The following GSG1L variants were observed in gnomAD, a reference collection of about 807,000 sequenced individuals.
GSG1L encodes the protein germ cell-specific gene 1-like protein.
In GSG1L, 24 loss-of-function variants were observed where a neutral mutation model predicts 42.1. The ratio of observed to expected loss-of-function variants is 0.57; its 90% confidence interval spans 0.41 to 0.80. The LOEUF is 0.80. Among genes scored for constraint, GSG1L ranks in the 30% least tolerant of loss-of-function variants. The pLI, the probability that GSG1L is intolerant of heterozygous loss-of-function variation, is 0.00. For missense variants in GSG1L, 445 were observed against 472.2 expected (o/e 0.94, Z 0.53); for synonymous variants, 215 against 203.5 (o/e 1.06, Z -0.48).
intron 3 of GSG1L, among the ~76,000 whole-genome samples, chr16:27,879,775 GTATTA>G (rs1420378339): frequency 2.0e-5 from 3 of 150,526 alleles, no homozygotes; most frequent in East Asian, 2.0e-4. Flanking sequence ...TATTAAATTT[GTATTA>G]TTTTATTTAT....
At chr16:27,838,724 G>A (rs1228484273) in intron 4 of GSG1L, among the ~76,000 whole-genome samples, 1 of 152,148 alleles carries the variant, frequency 6.6e-6, no homozygotes, top group African/African-American at 2.4e-5. Flanking sequence ...ACCATGTGGG[G>A]CACGGCTGGG....
chr16:27,902,431 G>A lies in GSG1L; in HGVS notation c.398-17793C>T, dbSNP rs572992627. On this transcript the variant is annotated intron_variant, in intron 2 of 6. Transcript: ENST00000447459. ...TGTGGGGAGGGAAGCTGATTCCGCA[G>A]AGAGGCCGATGCCAAGGGGGAATCT... 2.6e-5 allele frequency among the ~76,000 whole-genome samples: 4 copies of A among 152,300 alleles called. No individual in the cohort carries two copies. The South Asian group carries it at 8.3e-4, about 32-fold the overall frequency.
chr16:27,934,120 A>T (rs1333071617), intron 2 of GSG1L, among the ~76,000 whole-genome samples: 1 of 152,248 alleles, frequency 6.6e-6, no homozygotes, highest in African/African-American at 2.4e-5. Context: ...CTTCCCCAGC[A>T]CGCAGGTCAT....
intron 1 of GSG1L, among the ~76,000 whole-genome samples, chr16:28,055,739 G>A (rs2086271859): frequency 6.6e-6 from 1 of 152,166 alleles, no homozygotes; most frequent in African/African-American, 2.4e-5. Context: ...CAAAGTGCTG[G>A]GATTACAGGC....
At chr16:27,947,597 GA>G (rs760361295) in intron 2 of GSG1L, among the ~76,000 whole-genome samples, 1,321 of 108,480 alleles carry the variant, frequency 0.012, 42 homozygotes, top group African/African-American at 0.05. Flanking sequence ...AAGAAAGAAA[GA>G]AAAAGAAAGA....
chr16:28,030,110 G>C (rs1174195299), intron 1 of GSG1L, among the ~76,000 whole-genome samples: 1 of 152,204 alleles, frequency 6.6e-6, no homozygotes, highest in Non-Finnish European at 1.5e-5. Context: ...TTTGAAGAAA[G>C]ATAGAGAGGA....
chr16:28,016,517 G>A (rs879711232), intron 1 of GSG1L, among the ~76,000 whole-genome samples: 2 of 152,018 alleles, frequency 1.3e-5, no homozygotes, highest in Non-Finnish European at 2.9e-5. Flanking sequence ...CCCTAGGTTC[G>A]GGGTCATCTA....
At position 27,828,803 on chromosome 16, in the gene GSG1L, C is replaced by T; in HGVS notation, c.816G>A (p.Lys272=). 1 of 1,614,068 alleles carries T rather than the reference C, an allele frequency of 6.2e-7. No homozygotes were observed. Among genetic ancestry groups the T allele is most frequent in the East Asian group, 2.2e-5 (1 of 44,882 alleles). The change falls in exon 5 of 7, where the codon AAG becomes AAA. Residue 272 remains lysine, a synonymous_variant. Coordinates refer to ENST00000447459, the MANE Select transcript of GSG1L (RefSeq NM_001109763.2). ...TGTGCACTGACCTCTCCCGGAAGTA[C>T]TTGATGGCCTCAGGGTCTATGAAGG... is the stretch of plus-strand genomic sequence containing the variant. ...EPTFIDPEAI[K]YFRERMEKRD...
At chr16:27,998,895 A>G (rs7197877) in intron 1 of GSG1L, among the ~76,000 whole-genome samples, 50,521 of 151,884 alleles carry the variant, frequency 0.33, 11,001 homozygotes, top group African/African-American at 0.62. Context: ...CTACTCAGAC[A>G]TTCAAGGCTG....
chr16:27,972,753 G>A lies in GSG1L; in HGVS notation c.350-9550C>T, dbSNP rs187831173. Among the ~76,000 whole-genome samples the A allele has an allele frequency of 3.3e-5, 5 of 152,300 alleles. No homozygotes were observed. The East Asian group carries it at 5.8e-4, about 18-fold the overall frequency. Reference sequence around the variant, plus strand: ...GTGAATCCCAGGCCCCACCCACAACGATTCTGATTTCATTGGTCAGGGTGG... The same window carrying A: ...GTGAATCCCAGGCCCCACCCACAACAATTCTGATTTCATTGGTCAGGGTGG... On this transcript the variant is annotated intron_variant, in intron 1 of 6. Coordinates refer to ENST00000447459, the MANE Select transcript of GSG1L (RefSeq NM_001109763.2).
intron 3 of GSG1L, among the ~76,000 whole-genome samples, chr16:27,867,277 C>G (rs1225656831): frequency 6.6e-6 from 1 of 152,200 alleles, no homozygotes; most frequent in South Asian, 2.1e-4. Flanking sequence ...CTGCATGGCT[C>G]TCAGCCCAGC....
chr16:27,820,418 G>A (rs552297407), intron 5 of GSG1L, among the ~76,000 whole-genome samples: 68 of 152,208 alleles, frequency 4.5e-4, no homozygotes, highest in Non-Finnish European at 8.7e-4. Context: ...AGGCTGCCGA[G>A]AGCTGCTTCG....
At chr16:27,872,046 G>T (rs2083828104) in intron 3 of GSG1L, among the ~76,000 whole-genome samples, 1 of 152,178 alleles carries the variant, frequency 6.6e-6, no homozygotes, top group African/African-American at 2.4e-5. Context: ...AAAATTTTTT[G>T]AATTAAAAAT....
At chr16:27,903,714 C>A (rs2084289121) in intron 2 of GSG1L, among the ~76,000 whole-genome samples, 2 of 152,100 alleles carry the variant, frequency 1.3e-5, no homozygotes, top group African/African-American at 2.4e-5. Context: ...CCAGGGCAGG[C>A]CAGAAGTCAG....
chr16:27,916,326 T>G (rs1009555008), intron 2 of GSG1L, among the ~76,000 whole-genome samples: 2 of 152,150 alleles, frequency 1.3e-5, no homozygotes, highest in African/African-American at 4.8e-5. Flanking sequence ...ATTTATATTT[T>G]TTTTTTAGAG....
At chr16:27,885,366 C>T (rs145983485) in intron 2 of GSG1L, among the ~76,000 whole-genome samples, 1 of 152,216 alleles carries the variant, frequency 6.6e-6, no homozygotes, top group East Asian at 1.9e-4. Context: ...CCAGGCTGTT[C>T]TCAAACTCCT....
At position 27,894,838 on chromosome 16, in the gene GSG1L, G is replaced by A. The variant is rs148464903; in HGVS notation, c.398-10200C>T. Among the ~76,000 whole-genome samples, 933 of 152,276 alleles carry A rather than the reference G, an allele frequency of 6.1e-3. 11 individuals carry two copies. Among genetic ancestry groups the A allele is most frequent in the Middle Eastern group, 0.014 (4 of 294 alleles). On this transcript the variant is annotated intron_variant, in intron 2 of 6. Transcript: ENST00000447459. ...CAGAGTAAGTCAGGAGCAGAGTCGGGTGGGAGGCACTGTTCCACCTCCCAG... is the reference window on the plus strand; with the variant it reads ...CAGAGTAAGTCAGGAGCAGAGTCGGATGGGAGGCACTGTTCCACCTCCCAG...
In GSG1L at chr16:27,828,801, T is replaced by A. The variant is rs2083243096; in HGVS notation, c.818A>T (p.Tyr273Phe). Residue 273 changes from tyrosine to phenylalanine, a missense_variant, in exon 5 of 7, where the codon TAC becomes TTC. By Grantham distance (22) the Tyr-to-Phe change is conservative. Around this residue, in one of 3 missense-constraint regions of GSG1L, gnomAD observed 140 missense variants for 120.6 expected, o/e 1.16. Transcript: ENST00000447459. ...CCTGTGCACTGACCTCTCCCGGAAG[T>A]ACTTGATGGCCTCAGGGTCTATGAA... ...PTFIDPEAIKYFRERMEKRDG... is the reference protein window; with the variant it reads ...PTFIDPEAIKFFRERMEKRDG... 6.2e-7 allele frequency: 1 copy of A among 1,613,970 alleles called. No individual in the cohort carries two copies.
At chr16:27,972,727 T>C (rs1596664340) in intron 1 of GSG1L, among the ~76,000 whole-genome samples, 1 of 152,164 alleles carries the variant, frequency 6.6e-6, no homozygotes, top group East Asian at 1.9e-4. Flanking sequence ...ACCCCGGAAA[T>C]GTGAATCCCA....
Sources: allele counts gnomAD v4.1 joint callset (sites outside exome capture counted in the v4.1 genomes callset), GRCh38; gene constraint gnomAD v4.1.1; regional missense constraint gnomAD v4.1.1; transcripts MANE v1.5; gene names NCBI Gene and HGNC (gene_info 2026-07-23, HGNC 2026-07-21).